Variants in ZNF217 observed in about 807,000 individuals in gnomAD.
ZNF217 encodes the protein zinc finger protein 217.
Under a neutral mutation model 73.3 loss-of-function variants are expected in ZNF217, and 12 were observed. The ratio of observed to expected loss-of-function variants is 0.16; its 90% CI spans 0.10 to 0.27. The LOEUF is 0.27. Among genes scored for constraint, ZNF217 ranks in the 10% least tolerant of loss-of-function variants. The pLI is 1.00. For missense variants in ZNF217, 1,195 were observed against 1,327.8 expected (o/e 0.90, Z 1.55); for synonymous variants, 588 against 516.4 (o/e 1.14, Z -1.88).
chr20:53,582,138 C>A lies in ZNF217; in HGVS notation c.689G>T (p.Ser230Ile), dbSNP rs769627814. ...VCGFLFPNKE[S>I]LIEHRKVHTK... Reference sequence around the variant, plus strand: ...GTGCACCTTGCGGTGCTCAATTAGACTTTCTTTATTTGGAAATAGGAAGCC... The same window carrying A: ...GTGCACCTTGCGGTGCTCAATTAGAATTTCTTTATTTGGAAATAGGAAGCC... The change falls in exon 2 of 6, where the codon AGT becomes ATT. Residue 230 changes from serine (S) to isoleucine (I), a missense_variant. By Grantham distance (142) the Ser-to-Ile change is moderately radical. This residue lies in a region of ZNF217 where 126 missense variants were observed against 114.4 expected (regional missense o/e 1.10). Coordinates refer to ENST00000371471, the MANE Select transcript of ZNF217 (RefSeq NM_006526.3). The surrounding 1 kb of genome is among the most constrained non-coding windows in gnomAD (Gnocchi z 4.8). 6.2e-7 allele frequency: 1 copy of A among 1,614,236 alleles called. No individual in the cohort carries two copies.
intron 1 of ZNF217, among the ~76,000 whole-genome samples, chr20:53,592,456 G>A (rs1600732416): frequency 2.0e-5 from 3 of 152,046 alleles, no homozygotes; most frequent in South Asian, 2.1e-4. Context: ...GGTCCCAGAA[G>A]TGGCCTTTTC....
At chr20:53,585,592 A>C (rs926907916) in intron 1 of ZNF217, among the ~76,000 whole-genome samples, 3 of 152,180 alleles carry the variant, frequency 2.0e-5, no homozygotes, top group African/African-American at 7.2e-5. Flanking sequence ...CCACTCAGGG[A>C]AACAGCATAA....
At chr20:53,577,446 T>C (rs1433824781) in intron 3 of ZNF217, among the ~76,000 whole-genome samples, 166 bp from the exon 4 acceptor site, 2 of 152,256 alleles carry the variant, frequency 1.3e-5, no homozygotes, top group East Asian at 1.9e-4. Context: ...GTAATGAATA[T>C]TTGAAATTAT....
At position 53,582,282 on chromosome 20, in the gene ZNF217, G is replaced by A. The variant is rs1436365118; in HGVS notation, c.545C>T (p.Ser182Leu). The A allele has an allele frequency of 1.2e-5, 19 of 1,613,974 alleles. No homozygotes were observed. Among genetic ancestry groups the A allele is most frequent in the Non-Finnish European group, 1.6e-5 (19 of 1,180,022 alleles). ...KNHMRTHNGKSGARSKLQQGL... is the reference protein window; with the variant it reads ...KNHMRTHNGKLGARSKLQQGL... Reference sequence around the variant, plus strand: ...TTGCTGCAGTTTGCTTCTGGCCCCCGATTTGCCATTATGTGTCCGCATGTG... The same window carrying A: ...TTGCTGCAGTTTGCTTCTGGCCCCCAATTTGCCATTATGTGTCCGCATGTG... Residue 182 changes from serine to leucine, a missense_variant, in exon 2 of 6, where the codon TCG becomes TTG. Physicochemically the swap from Ser to Leu is moderately radical, Grantham distance 145. Around this residue, in one of 9 missense-constraint regions of ZNF217, gnomAD observed 31 missense variants for 72.2 expected, o/e 0.43. Coordinates refer to ENST00000371471, the MANE Select transcript of ZNF217 (RefSeq NM_006526.3). This position sits in a 1 kb window ranked among gnomAD's most constrained non-coding sequence, Gnocchi z 4.8.
rs764070855 is a variant in ZNF217, at chr20:53,581,730, T to C, written c.1097A>G (p.Lys366Arg). 7 of 1,614,118 alleles carry C rather than the reference T, an allele frequency of 4.3e-6. No individual in the cohort carries two copies. The highest frequency in any genetic ancestry group is 4.0e-5 in the African/African-American group (3 of 74,942). ...GGGCTTCTCCTTGCTACTGGGTAAC[T>C]TGGGATCCGCGTCCACGGAGGGCGC... ...GEAPSVDADP[K>R]LPSSKEKPTH... is the part of the protein sequence containing the mutation. Residue 366 changes from lysine to arginine, a missense_variant, in exon 2 of 6, where the codon AAG becomes AGG. Coordinates refer to ENST00000371471, the MANE Select transcript of ZNF217 (RefSeq NM_006526.3). The surrounding 1 kb of genome is among the most constrained non-coding windows in gnomAD (Gnocchi z 4.9).
intron 1 of ZNF217, among the ~76,000 whole-genome samples, chr20:53,590,786 TGAG>T (rs1281285885): frequency 5.9e-5 from 9 of 152,340 alleles, no homozygotes; most frequent in African/African-American, 2.2e-4. Context: ...GTATCTGCAA[TGAG>T]GAGATAGAAG....
At chr20:53,570,673 A>C (rs1423047539) in intron 5 of ZNF217, among the ~76,000 whole-genome samples, 1 of 152,240 alleles carries the variant, frequency 6.6e-6, no homozygotes, top group Non-Finnish European at 1.5e-5. Context: ...GGTGCACTAC[A>C]GTGAGACCTT....
Position 53,581,518 on chromosome 20 carries a change from C to T in ZNF217, c.1309G>A (p.Gly437Arg), listed in dbSNP as rs571999744. ...PLDENGAVDRGEGGSEDGSED... is the reference protein window; with the variant it reads ...PLDENGAVDRREGGSEDGSED... Reference sequence around the variant, plus strand: ...GATCCGTCTTCAGAACCACCTTCCCCTCGATCCACGGCTCCATTTTCATCC... The same window carrying T: ...GATCCGTCTTCAGAACCACCTTCCCTTCGATCCACGGCTCCATTTTCATCC... Residue 437 changes from glycine (G) to arginine (R), a missense_variant, in exon 2 of 6, where the codon GGG (glycine) becomes AGG (arginine). Around this residue, in one of 9 missense-constraint regions of ZNF217, gnomAD observed 116 missense variants for 121.9 expected, o/e 0.95. Coordinates refer to ENST00000371471, the MANE Select transcript of ZNF217 (RefSeq NM_006526.3). The surrounding 1 kb of genome is among the most constrained non-coding windows in gnomAD (Gnocchi z 4.9). 6.2e-7 allele frequency: 1 copy of T among 1,614,110 alleles called. No individual in the cohort carries two copies. Among genetic ancestry groups the T allele is most frequent in the Admixed American group, 1.7e-5 (1 of 60,026 alleles).
In ZNF217 at chr20:53,575,876, G is replaced by A. The variant is rs144407647; in HGVS notation, c.2888C>T (p.Ser963Leu). Residue 963 changes from serine to leucine, a missense_variant, in exon 4 of 6, where the codon TCG (serine) becomes TTG (leucine). Transcript: ENST00000371471. ...SLLPQDCVYP[S>L]QALPPKPRFL... ...CCTTGGTTTGGGAGGCAGCGCCTGC[G>A]ACGGATACACACAGTCCTGCGGTAA... 9.3e-6 allele frequency: 15 copies of A among 1,614,084 alleles called. No individual in the cohort carries two copies. The highest frequency in any genetic ancestry group is 5.0e-5 in the Admixed American group (3 of 60,002).
chr20:53,575,959 A>C lies in ZNF217; in HGVS notation c.2805T>G (p.Asn935Lys). The change falls in exon 4 of 6, where the codon AAT becomes AAG. Residue 935 changes from asparagine to lysine, a missense_variant. Asn to Lys is a moderately conservative substitution (Grantham distance 94). Around this residue, in one of 9 missense-constraint regions of ZNF217, gnomAD observed 649 missense variants for 642.8 expected, o/e 1.01. Transcript: ENST00000371471. The part of the protein sequence containing the change: ...VALDVDQPGA[N>K]YRRGYDLPKY... The stretch of plus-strand genomic sequence containing the variant: ...TGGGAAGGTCATAGCCTCTTCTGTA[A>C]TTGGCCCCGGGCTGGTCAACGTCAA... 3 of 1,614,174 alleles carry C rather than the reference A, an allele frequency of 1.9e-6. 1 individual carries two copies. In the South Asian group the frequency reaches 3.3e-5, roughly 18 times the overall value.
intron 5 of ZNF217, 42 bp from the exon 6 acceptor site, chr20:53,569,306 G>C: frequency 1.6e-6 from 2 of 1,232,600 alleles, no homozygotes; most frequent in Non-Finnish European, 2.1e-6. Context: ...GATCAAAACT[G>C]AATACAGTTT....
Position 53,581,321 on chromosome 20 carries a change from C to A in ZNF217, c.1366+140G>T. Reference sequence around the variant, plus strand: ...TTAAATGACTTACACAGAGTGATACCAAAAAGAGCCTGGACTTGACTCTGG... The same window carrying A: ...TTAAATGACTTACACAGAGTGATACAAAAAAGAGCCTGGACTTGACTCTGG... On this transcript the variant is annotated intron_variant, in intron 2 of 5. Coordinates refer to ENST00000371471, the MANE Select transcript of ZNF217 (RefSeq NM_006526.3). This position sits in a 1 kb window ranked among gnomAD's most constrained non-coding sequence, Gnocchi z 4.9. 8.1e-7 allele frequency: 1 copy of A among 1,227,288 alleles called. No individual in the cohort carries two copies. The highest frequency in any genetic ancestry group is 1.1e-6 in the Non-Finnish European group (1 of 902,556). 76.0% of individuals were successfully genotyped at this position (1,227,288 alleles called of 1,614,324 possible).
Position 53,581,475 on chromosome 20 carries a change from T to C in ZNF217, c.1352A>G (p.Glu451Gly). ...SEDGSEDGLP[E>G]GIHLDKNDDG... is the part of the protein sequence containing the mutation. Reference sequence around the variant, plus strand: ...GGGCAGCTTACCCAGATGGATTCCTTCGGGAAGCCCATCCTCAGATCCGTC... The same window carrying C: ...GGGCAGCTTACCCAGATGGATTCCTCCGGGAAGCCCATCCTCAGATCCGTC... Residue 451 changes from glutamate to glycine, a missense_variant, in exon 2 of 6, where the codon GAA becomes GGA. Coordinates refer to ENST00000371471, the MANE Select transcript of ZNF217 (RefSeq NM_006526.3). The surrounding 1 kb of genome is among the most constrained non-coding windows in gnomAD (Gnocchi z 4.9). 6.2e-7 allele frequency: 1 copy of C among 1,609,032 alleles called. No individual in the cohort carries two copies. Among genetic ancestry groups the C allele is most frequent in the East Asian group, 2.2e-5 (1 of 44,764 alleles).
At chr20:53,587,084 T>TA (rs958735039) in intron 1 of ZNF217, among the ~76,000 whole-genome samples, 19 of 152,170 alleles carry the variant, frequency 1.2e-4, no homozygotes, top group African/African-American at 4.6e-4. Flanking sequence ...ATATACCCCC[T>TA]AACACCTAAG....
At chr20:53,578,309 G>C in intron 3 of ZNF217, 25 bp downstream of exon 3, 1 of 1,473,980 alleles carries the variant, frequency 6.8e-7, no homozygotes, top group Non-Finnish European at 9.2e-7. Flanking sequence ...ACTAATGCAT[G>C]GTTAAAAAAA....
chr20:53,578,620 GGTT>G (rs1350206483), intron 2 of ZNF217, among the ~76,000 whole-genome samples, 170 bp from the exon 3 acceptor site: 1 of 152,228 alleles, frequency 6.6e-6, no homozygotes, highest in Non-Finnish European at 1.5e-5. Flanking sequence ...TGCTGTTGGA[GGTT>G]GTTTGAAGTT....
intron 1 of ZNF217, among the ~76,000 whole-genome samples, chr20:53,585,316 T>C (rs1194511413): frequency 6.6e-6 from 1 of 152,048 alleles, no homozygotes; most frequent in Non-Finnish European, 1.5e-5. Context: ...TCCCAATGCT[T>C]TGGGAAGCCG....
rs1987808057 is a variant in ZNF217, at chr20:53,567,790, G to A, written c.*1498C>T. The A allele has an allele frequency of 6.6e-6, 1 of 152,394 alleles. No homozygotes were observed. The highest frequency in any genetic ancestry group is 6.6e-5 in the Admixed American group (1 of 15,240). The allele number at this position is 152,394 out of a possible 1,614,324, so 9.4% of individuals were successfully genotyped here. ...ATGAGTTCTCCCTTGTAACACAGGA[G>A]CTAAGACTTCTATCAAGGAGGACAT... is the stretch of plus-strand genomic sequence containing the variant. On this transcript the variant is annotated 3_prime_UTR_variant, in exon 6 of 6. Transcript: ENST00000371471.
At chr20:53,578,279 TTAGA>T in intron 3 of ZNF217, 51 bp downstream of exon 3, 1 of 1,256,206 alleles carries the variant, frequency 8.0e-7, no homozygotes, top group Non-Finnish European at 1.1e-6. Flanking sequence ...AACAAAAAAA[TTAGA>T]TAACTACATA....
Sources: allele counts gnomAD v4.1 joint callset (sites outside exome capture counted in the v4.1 genomes callset), GRCh38; gene constraint gnomAD v4.1.1; regional missense constraint gnomAD v4.1.1; non-coding constraint Gnocchi (gnomAD v3.1); transcripts MANE v1.5; gene names NCBI Gene and HGNC (gene_info 2026-07-23, HGNC 2026-07-21).